NRXN3: variants seen among roughly 807,000 people sequenced by gnomAD.
NRXN3 encodes the protein neurexin 3.
NRXN3 carries 32 observed loss-of-function variants against 137.6 expected under a neutral mutation model. That is an observed-to-expected ratio of 0.23 (90% CI 0.18 to 0.31). The LOEUF is 0.31. NRXN3 is among the 10% of genes least tolerant of loss of function. The pLI, the probability that NRXN3 is intolerant of heterozygous loss-of-function variation, is 1.00. For missense variants in NRXN3, 1,574 were observed against 2,062.5 expected (o/e 0.76, Z 4.59); for synonymous variants, 798 against 784.5 (o/e 1.02, Z -0.29).
chr14:78,575,520 A>T (rs1385557503), intron 4 of NRXN3, among the ~76,000 whole-genome samples: 1 of 152,246 alleles, frequency 6.6e-6, no homozygotes, highest in African/African-American at 2.4e-5. Flanking sequence ...AAGCCCATTC[A>T]TGAAAGTGGT....
intron 20 of NRXN3, among the ~76,000 whole-genome samples, chr14:79,816,791 C>T: frequency 6.6e-6 from 1 of 152,182 alleles, no homozygotes; most frequent in African/African-American, 2.4e-5. Context: ...TTTGCTTCCA[C>T]ATTTTCTAAT....
chr14:79,336,780 A>G (rs1406167078), intron 15 of NRXN3, among the ~76,000 whole-genome samples: 1 of 152,112 alleles, frequency 6.6e-6, no homozygotes, highest in Non-Finnish European at 1.5e-5. Context: ...GCACTATCTC[A>G]GTTGGCATCT....
intron 6 of NRXN3, among the ~76,000 whole-genome samples, chr14:78,666,714 C>T (rs924806042): frequency 6.6e-6 from 1 of 152,190 alleles, no homozygotes; most frequent in African/African-American, 2.4e-5. Context: ...TCTCCCTCTG[C>T]CCCCATAGTA....
At chr14:78,376,929 T>C (rs192293538) in intron 4 of NRXN3, among the ~76,000 whole-genome samples, 2 of 152,266 alleles carry the variant, frequency 1.3e-5, no homozygotes, top group East Asian at 1.9e-4. Context: ...CAAAAAGATA[T>C]ATACTTTGTA....
At chr14:79,222,125 G>A (rs1288273793) in intron 15 of NRXN3, among the ~76,000 whole-genome samples, 3 of 151,978 alleles carry the variant, frequency 2.0e-5, no homozygotes, top group Non-Finnish European at 4.4e-5. Context: ...ATCTGTTTTG[G>A]TACCAGTACC....
chr14:79,342,887 G>A (rs1365321958), intron 15 of NRXN3, among the ~76,000 whole-genome samples: 3 of 152,266 alleles, frequency 2.0e-5, no homozygotes, highest in South Asian at 2.1e-4. Flanking sequence ...GCAGGAGACC[G>A]GAGTTTTACT....
intron 4 of NRXN3, among the ~76,000 whole-genome samples, chr14:78,443,647 A>G (rs1408123508): frequency 2.0e-5 from 3 of 152,122 alleles, no homozygotes; most frequent in African/African-American, 4.8e-5. Flanking sequence ...TTCATATTCA[A>G]CTCTGCTACT....
At chr14:78,416,477 T>C (rs577835773) in intron 4 of NRXN3, among the ~76,000 whole-genome samples, 11 of 152,316 alleles carry the variant, frequency 7.2e-5, no homozygotes, top group East Asian at 5.8e-4. Flanking sequence ...TGATTTTAAC[T>C]GTCAAATTGA....
intron 15 of NRXN3, among the ~76,000 whole-genome samples, chr14:79,329,304 A>C (rs915222542): frequency 6.6e-6 from 1 of 152,240 alleles, no homozygotes; most frequent in Non-Finnish European, 1.5e-5. Context: ...ATGTTTATGC[A>C]TCTCTCTTTT....
intron 4 of NRXN3, among the ~76,000 whole-genome samples, chr14:78,644,240 TG>T (rs2097664680): frequency 1.3e-5 from 2 of 152,024 alleles, no homozygotes; most frequent in South Asian, 4.1e-4. Context: ...TAAGGCTTTT[TG>T]GGTGGGCAAT....
chr14:78,803,581 T>C, intron 8 of NRXN3, 39 bp from the exon 9 acceptor site: 3 of 1,595,464 alleles, frequency 1.9e-6, no homozygotes, highest in South Asian at 2.2e-5. Flanking sequence ...AACTGTGACA[T>C]CCGTCATCCT....
chr14:78,403,948 T>C (rs1321430914), intron 4 of NRXN3: 2 of 898,088 alleles, frequency 2.2e-6, no homozygotes, highest in Admixed American at 6.2e-5. Context: ...TGTTCCCCAT[T>C]TGCCTTACAT....
intron 6 of NRXN3, among the ~76,000 whole-genome samples, chr14:78,702,705 A>T (rs1392794090): frequency 6.6e-6 from 1 of 151,858 alleles, no homozygotes; most frequent in African/African-American, 2.4e-5. Context: ...TGGCCTCCCA[A>T]AGTTCTGGGA....
chr14:79,823,800 G>A (rs2099280064), intron 20 of NRXN3: 2 of 347,008 alleles, frequency 5.8e-6, no homozygotes, highest in South Asian at 2.2e-5. Flanking sequence ...GGCCCTGCAA[G>A]GAAAGCTGCT....
At chr14:79,319,472 G>T (rs1283632235) in intron 15 of NRXN3, among the ~76,000 whole-genome samples, 1 of 152,184 alleles carries the variant, frequency 6.6e-6, no homozygotes, top group Non-Finnish European at 1.5e-5. Flanking sequence ...TTTAGAAAGA[G>T]AAATAAATTA....
intron 15 of NRXN3, among the ~76,000 whole-genome samples, chr14:79,131,631 G>T (rs189303461): frequency 1.3e-5 from 2 of 152,196 alleles, no homozygotes; most frequent in African/African-American, 4.8e-5. Context: ...CTGTCTTTTT[G>T]TTTGTCTGTG....
At chr14:78,450,895 T>C (rs2094535399) in intron 4 of NRXN3, among the ~76,000 whole-genome samples, 1 of 152,142 alleles carries the variant, frequency 6.6e-6, no homozygotes, top group South Asian at 2.1e-4. Context: ...GTCTGGGCTT[T>C]AGATGACGGT....
chr14:79,836,815 C>CAA (rs146125074), intron 20 of NRXN3, among the ~76,000 whole-genome samples: 1 of 151,908 alleles, frequency 6.6e-6, no homozygotes, highest in Admixed American at 6.6e-5. Context: ...CACACACACA[C>CAA]AAAAAATCCT....
At chr14:78,320,030 G>A (rs2079140305) in intron 4 of NRXN3, among the ~76,000 whole-genome samples, 2 of 152,348 alleles carry the variant, frequency 1.3e-5, no homozygotes, top group Admixed American at 1.3e-4. Context: ...CTGGTTGCCA[G>A]TGTCTATATT....
Sources: gnomAD v4.1 joint callset for allele counts (sites outside exome capture counted in the v4.1 genomes callset) on GRCh38, gnomAD v4.1.1 for gene constraint, MANE v1.5 for transcripts, NCBI Gene and HGNC (gene_info 2026-07-23, HGNC 2026-07-21) for gene names.